The following RASEF variants were observed in gnomAD, a reference collection of about 807,000 sequenced individuals.
RASEF encodes the protein ras and EF-hand domain-containing protein.
RASEF carries 68 observed loss-of-function variants against 90.1 expected under a neutral mutation model. The observed-to-expected ratio is 0.75, with a 90% CI of 0.62 to 0.92. The LOEUF (loss-of-function observed/expected upper bound fraction) is 0.92. Ranked by LOEUF, RASEF falls within the 40% of genes least tolerant of loss-of-function variation. The pLI is 0.00. For synonymous variants in RASEF, 331 were observed against 345.2 expected (o/e 0.96, Z 0.46); for missense variants, 949 against 937.2 (o/e 1.01, Z -0.16).
the RASEF span, among the ~76,000 whole-genome samples, chr9:83,150,860 G>A: frequency 2.0e-5 from 3 of 152,114 alleles, no homozygotes; most frequent in African/African-American, 7.2e-5. Context: ...GACAAAAACT[G>A]CAACCAAAGT....
At position 82,980,936 on chromosome 9, in the gene RASEF, T is replaced by C. The variant is rs554737526; in HGVS notation, c.*1741A>G. ...ATGTCTTCAATAGAGAGAAGGCATG[T>C]TTATAAAAGTTAAATGATGTTGTAG... is the stretch of plus-strand genomic sequence containing the variant. On this transcript the variant is annotated 3_prime_UTR_variant, in exon 17 of 17. Transcript: ENST00000376447. 12 of 152,300 alleles carry C rather than the reference T, an allele frequency of 7.9e-5. No homozygotes were observed. Among genetic ancestry groups the C allele is most frequent in the African/African-American group, 2.6e-4 (11 of 41,560 alleles). 9.4% of individuals were successfully genotyped at this position (152,300 alleles called of 1,614,324 possible).
the RASEF span, among the ~76,000 whole-genome samples, chr9:83,098,601 A>G: frequency 6.6e-6 from 1 of 152,172 alleles, no homozygotes; most frequent in Non-Finnish European, 1.5e-5. Flanking sequence ...ACTGCTGATA[A>G]AGGCATACCC....
At chr9:83,043,236 G>T (rs1404354742) in intron 1 of RASEF, among the ~76,000 whole-genome samples, 1 of 152,192 alleles carries the variant, frequency 6.6e-6, no homozygotes, top group Admixed American at 6.5e-5. Flanking sequence ...TTTTCACACT[G>T]TGGAATAGAC....
the RASEF span, among the ~76,000 whole-genome samples, chr9:83,111,084 C>T: frequency 2.0e-5 from 3 of 152,110 alleles, no homozygotes; most frequent in African/African-American, 7.2e-5. Flanking sequence ...AAAGAAATAA[C>T]AGTATTGAAG....
At chr9:83,000,046 T>A (rs562223063) in intron 12 of RASEF, 123 bp downstream of exon 12, 1 of 760,480 alleles carries the variant, frequency 1.3e-6, no homozygotes, top group Non-Finnish European at 2.2e-6. Context: ...CATTTATATA[T>A]GTGTGCATAC....
intron 1 of RASEF, among the ~76,000 whole-genome samples, chr9:83,052,329 C>T (rs1166588238): frequency 8.4e-5 from 11 of 131,500 alleles, no homozygotes; most frequent in South Asian, 2.6e-4. Flanking sequence ...AGTTTATTTG[C>T]GTAGAGGTGT....
chr9:83,044,490 A>G (rs1829893964), intron 1 of RASEF, among the ~76,000 whole-genome samples: 2 of 152,152 alleles, frequency 1.3e-5, no homozygotes, highest in African/African-American at 4.8e-5. Context: ...GATGTAGGGC[A>G]AGCCTTTTCT....
intron 1 of RASEF, among the ~76,000 whole-genome samples, chr9:83,033,520 G>A (rs960898883): frequency 1.3e-5 from 2 of 152,192 alleles, no homozygotes. Context: ...GCTGGAGCTG[G>A]AGAAGTTAGC....
At chr9:83,025,026 A>G (rs1829518612) in intron 2 of RASEF, among the ~76,000 whole-genome samples, 1 of 152,238 alleles carries the variant, frequency 6.6e-6, no homozygotes, top group African/African-American at 2.4e-5. Context: ...CTCTTTCCCA[A>G]TACATGCTAA....
At chr9:83,144,073 T>C in the RASEF span, among the ~76,000 whole-genome samples, 1 of 151,970 alleles carries the variant, frequency 6.6e-6, no homozygotes, top group Non-Finnish European at 1.5e-5. Flanking sequence ...ATACCACATG[T>C]TCTCACTTAC....
chr9:82,986,062 G>A (rs1423992945), intron 16 of RASEF, among the ~76,000 whole-genome samples: 1 of 152,174 alleles, frequency 6.6e-6, no homozygotes, highest in African/African-American at 2.4e-5. Context: ...GGTTCCAGAA[G>A]CTGTGTGGAT....
chr9:83,067,655 C>T (rs1564094386), upstream of RASEF, among the ~76,000 whole-genome samples: 1 of 152,154 alleles, frequency 6.6e-6, no homozygotes, highest in African/African-American at 2.4e-5. Flanking sequence ...AATTAAGTAT[C>T]TGTAATGTTT....
chr9:83,154,020 G>C, the RASEF span, among the ~76,000 whole-genome samples: 1 of 152,226 alleles, frequency 6.6e-6, no homozygotes, highest in Non-Finnish European at 1.5e-5. Context: ...CCCTGGTTCT[G>C]CTACTAACTG....
intron 7 of RASEF, among the ~76,000 whole-genome samples, chr9:83,007,068 T>TG (rs1435906971): frequency 6.3e-5 from 8 of 126,880 alleles, no homozygotes; most frequent in Non-Finnish European, 1.6e-5. Context: ...CACTTCAGCC[T>TG]GGGTGACAGG....
the RASEF span, among the ~76,000 whole-genome samples, chr9:83,084,976 C>A: frequency 6.6e-6 from 1 of 152,100 alleles, no homozygotes; most frequent in Non-Finnish European, 1.5e-5. Context: ...CATTGCTACA[C>A]CTAGTTCAGG....
chr9:83,118,316 G>A, the RASEF span, among the ~76,000 whole-genome samples: 1 of 151,880 alleles, frequency 6.6e-6, no homozygotes, highest in Non-Finnish European at 1.5e-5. Flanking sequence ...TAAAAAGAAG[G>A]ACTTTATACC....
In RASEF at chr9:83,043,027, CT is replaced by C. The variant is rs146533233; in HGVS notation, c.432-17107del. Reference sequence around the variant, plus strand: ...TACTACCTCCCGGGATAAAGCTAGACTTCATATGATGACCCTGAGTTAGCAC... The same window carrying C: ...TACTACCTCCCGGGATAAAGCTAGACTCATATGATGACCCTGAGTTAGCAC... On this transcript the variant is annotated intron_variant, in intron 1 of 16. Transcript: ENST00000376447. 1.6e-3 allele frequency among the ~76,000 whole-genome samples: 246 copies of C among 152,292 alleles called. 2 individuals are homozygous for C. The highest frequency in any genetic ancestry group is 5.7e-3 in the African/African-American group (237 of 41,570).
At chr9:83,128,922 T>C in the RASEF span, among the ~76,000 whole-genome samples, 3 of 152,208 alleles carry the variant, frequency 2.0e-5, no homozygotes, top group Non-Finnish European at 2.9e-5. Context: ...AATTCTGCAT[T>C]AATACACTAG....
chr9:82,985,553 G>A (rs899941636), intron 16 of RASEF, among the ~76,000 whole-genome samples: 11 of 152,174 alleles, frequency 7.2e-5, no homozygotes, highest in African/African-American at 2.7e-4. Context: ...TGTGTTTTCA[G>A]TAAGACACCA....
Sources: allele counts gnomAD v4.1 joint callset (sites outside exome capture counted in the v4.1 genomes callset), GRCh38; gene constraint gnomAD v4.1.1; transcripts MANE v1.5; gene names NCBI Gene and HGNC (gene_info 2026-07-23, HGNC 2026-07-21).